INTS4: variants seen among roughly 807,000 people sequenced by gnomAD.
The protein encoded by INTS4 is integrator complex subunit 4.
In INTS4, 70 loss-of-function variants were observed where a neutral mutation model predicts 119.5. That is an observed-to-expected ratio of 0.59 (90% CI 0.48 to 0.71). INTS4 has a LOEUF of 0.71. Among genes scored for constraint, INTS4 ranks in the 30% least tolerant of loss-of-function variants. The pLI is 0.00. For synonymous variants in INTS4, 316 were observed against 419.6 expected, an observed-to-expected ratio of 0.75 and a Z score of 3.02; for missense variants, 867 against 1,173.2, an observed-to-expected ratio of 0.74 and a Z score of 3.81.
chr11:77,899,287 G>T (rs1252626704), intron 18 of INTS4, among the ~76,000 whole-genome samples: 2 of 149,080 alleles, frequency 1.3e-5, no homozygotes, highest in Non-Finnish European at 3.0e-5. Flanking sequence ...TAGAATTAGG[G>T]TGCATAACTT....
In INTS4 at chr11:77,897,169, C is replaced by T. The variant is rs572417747; in HGVS notation, c.2229-2820G>A. ...TATGAGAGCAAAGGAATTTAAAAGGCGACAGAGAACAGTGGTGGCAAAGTT... is the reference window on the plus strand; with the variant it reads ...TATGAGAGCAAAGGAATTTAAAAGGTGACAGAGAACAGTGGTGGCAAAGTT... On this transcript the variant is annotated intron_variant, in intron 18 of 22. Coordinates refer to ENST00000534064, the MANE Select transcript of INTS4 (RefSeq NM_033547.4). 5.3e-5 allele frequency among the ~76,000 whole-genome samples: 8 copies of T among 151,650 alleles called. No homozygotes were observed. The South Asian group carries it at 6.2e-4, about 12-fold the overall frequency.
At chr11:77,987,774 T>C (rs574779693) in intron 2 of INTS4, 7 of 377,962 alleles carry the variant, frequency 1.9e-5, no homozygotes, top group Admixed American at 6.0e-5. Flanking sequence ...CTCAGGAGGC[T>C]GAGGTGGGAG....
intron 3 of INTS4, among the ~76,000 whole-genome samples, chr11:77,979,732 C>A (rs1856122417): frequency 1.3e-5 from 2 of 150,562 alleles, no homozygotes; most frequent in Non-Finnish European, 2.9e-5. Flanking sequence ...GTAATCCCAG[C>A]ACTTTGGGAG....
At chr11:77,882,302 A>G (rs1363606239) in intron 22 of INTS4, among the ~76,000 whole-genome samples, 1 of 152,156 alleles carries the variant, frequency 6.6e-6, no homozygotes, top group Non-Finnish European at 1.5e-5. Flanking sequence ...CTTAAGAGGA[A>G]ATGGGGCCTA....
intron 2 of INTS4, among the ~76,000 whole-genome samples, chr11:77,983,364 A>C (rs930708880): frequency 4.3e-4 from 66 of 152,264 alleles, no homozygotes; most frequent in African/African-American, 1.5e-3. Flanking sequence ...TAGGCCTCCC[A>C]AAGTGCTGGG....
chr11:77,914,453 C>G (rs896203463), intron 15 of INTS4, among the ~76,000 whole-genome samples: 2 of 152,192 alleles, frequency 1.3e-5, no homozygotes, highest in African/African-American at 4.8e-5. Flanking sequence ...GGGCCAACAA[C>G]CTCATTCAGT....
intron 10 of INTS4, among the ~76,000 whole-genome samples, chr11:77,934,430 G>A (rs1347849752): frequency 4.1e-5 from 6 of 147,376 alleles, no homozygotes; most frequent in East Asian, 2.0e-4. Flanking sequence ...CAAATGCCTA[G>A]ATCTGCACAT....
Position 77,919,071 on chromosome 11 carries a change from G to A in INTS4, c.1765-93C>T, listed in dbSNP as rs1591055012. ...ACATAAAAGCACATTAAAAACGTGAGCTAAACAAAACAAAGGGGAAAAAAG... is the reference window on the plus strand; with the variant it reads ...ACATAAAAGCACATTAAAAACGTGAACTAAACAAAACAAAGGGGAAAAAAG... On this transcript the variant is annotated intron_variant, in intron 14 of 22. Transcript: ENST00000534064. 3.0e-6 allele frequency: 4 copies of A among 1,353,380 alleles called. No homozygotes were observed. In the East Asian group the frequency reaches 9.2e-5, roughly 31 times the overall value. 83.8% of individuals were successfully genotyped at this position (1,353,380 alleles called of 1,614,324 possible). A position where few individuals can be genotyped will look rare whatever the true frequency, so the allele number is the denominator to read the frequency against.
At chr11:77,912,790 T>C (rs1401732683) in intron 15 of INTS4, among the ~76,000 whole-genome samples, 5 of 152,248 alleles carry the variant, frequency 3.3e-5, no homozygotes, top group Non-Finnish European at 7.3e-5. Flanking sequence ...ATTTCTACTC[T>C]TTAATTACGA....
intron 4 of INTS4, among the ~76,000 whole-genome samples, chr11:77,975,347 G>A (rs1297719040): frequency 1.3e-5 from 2 of 151,998 alleles, no homozygotes; most frequent in Admixed American, 1.3e-4. Context: ...TTACATAGAA[G>A]TATGTTGTTT....
intron 15 of INTS4, among the ~76,000 whole-genome samples, chr11:77,917,702 T>C (rs563257163): frequency 2.6e-5 from 4 of 151,540 alleles, no homozygotes; most frequent in African/African-American, 7.3e-5. Context: ...CTCAAAGATA[T>C]AATTTTTTAA....
intron 18 of INTS4, 175 bp downstream of exon 18, chr11:77,901,246 C>G: frequency 2.7e-6 from 2 of 737,478 alleles, no homozygotes; most frequent in African/African-American, 1.8e-5. Flanking sequence ...AGGGTCTAAT[C>G]TGATCCAACA....
intron 21 of INTS4, chr11:77,884,864 C>T (rs1333569108): frequency 3.0e-6 from 1 of 335,364 alleles, no homozygotes; most frequent in African/African-American, 2.1e-5. Context: ...AAGTGATCTT[C>T]CTGCCTCAGC....
intron 4 of INTS4, among the ~76,000 whole-genome samples, chr11:77,965,215 C>A (rs1468769534): frequency 6.6e-6 from 1 of 152,112 alleles, no homozygotes; most frequent in African/African-American, 2.4e-5. Context: ...CCATGCCCAG[C>A]TACTTTTTTT....
chr11:77,964,073 T>C (rs1171139224), intron 4 of INTS4, among the ~76,000 whole-genome samples: 3 of 152,202 alleles, frequency 2.0e-5, no homozygotes, highest in African/African-American at 7.2e-5. Flanking sequence ...TCAATTTCAG[T>C]TGTGCAGATG....
intron 9 of INTS4, among the ~76,000 whole-genome samples, chr11:77,939,848 CAA>C (rs544496333): frequency 7.0e-6 from 1 of 142,788 alleles, no homozygotes. Flanking sequence ...CTGTCTCAAA[CAA>C]AAAAAAAAAA....
Position 77,965,598 on chromosome 11 carries a change from T to C in INTS4, c.472-4460A>G, listed in dbSNP as rs538117197. Among the ~76,000 whole-genome samples, 38 of 152,352 alleles carry C rather than the reference T, an allele frequency of 2.5e-4. No individual in the cohort carries two copies. The East Asian group carries it at 6.6e-3, about 26-fold the overall frequency. On this transcript the variant is annotated intron_variant, in intron 4 of 22. Coordinates refer to ENST00000534064, the MANE Select transcript of INTS4 (RefSeq NM_033547.4). ...TCATGTGGCATGTGTTTTTCTGTGCTCGGCTTATGTCACTTAGTATGTCTT... is the reference window on the plus strand; with the variant it reads ...TCATGTGGCATGTGTTTTTCTGTGCCCGGCTTATGTCACTTAGTATGTCTT...
intron 8 of INTS4, among the ~76,000 whole-genome samples, chr11:77,941,589 G>A (rs2136528958): frequency 6.6e-6 from 1 of 151,942 alleles, no homozygotes; most frequent in East Asian, 1.9e-4. Flanking sequence ...TCAGCCTCCT[G>A]AGTAGCTGGG....
intron 2 of INTS4, among the ~76,000 whole-genome samples, chr11:77,990,557 G>A (rs976645275): frequency 2.0e-5 from 3 of 151,764 alleles, no homozygotes; most frequent in Non-Finnish European, 2.9e-5. Flanking sequence ...GTGGTGGCAC[G>A]TGCCTGTAAT....
Sources: gnomAD v4.1 joint callset for allele counts (sites outside exome capture counted in the v4.1 genomes callset) on GRCh38, gnomAD v4.1.1 for gene constraint, MANE v1.5 for transcripts, NCBI Gene and HGNC (gene_info 2026-07-23, HGNC 2026-07-21) for gene names.